Variants in AKAP5 observed in about 807,000 individuals in gnomAD.
AKAP5 encodes A-kinase anchoring protein 5.
A neutral mutation model predicts 13.8 loss-of-function variants in AKAP5; 5 were observed. That is an observed-to-expected ratio of 0.36 (90% CI 0.19 to 0.76). The LOEUF (loss-of-function observed/expected upper bound fraction) is 0.76, where lower values mean the gene tolerates loss of function less well. AKAP5 is among the 30% of genes least tolerant of loss of function. The pLI is 0.51. For missense variants in AKAP5, 406 were observed against 484.4 expected (o/e 0.84, Z 1.52); for synonymous variants, 148 against 167.2 (o/e 0.89, Z 0.89).
Position 64,469,564 on chromosome 14 carries a change from A to C in AKAP5, c.1170A>C (p.Thr390=). 5 of 1,613,772 alleles carry C rather than the reference A, an allele frequency of 3.1e-6. No individual in the cohort carries two copies. Among genetic ancestry groups the C allele is most frequent in the Non-Finnish European group, 4.2e-6 (5 of 1,179,896 alleles). ...FEDRTSEQYE[T]LLIETASSLV... The stretch of plus-strand genomic sequence containing the variant: ...ATAGAACTTCAGAACAATATGAAAC[A>C]CTCTTAATTGAAACAGCCTCTTCTC... Residue 390 remains threonine, a synonymous_variant, in exon 2 of 2, where the codon ACA becomes ACC. Coordinates refer to ENST00000394718, the MANE Select transcript of AKAP5 (RefSeq NM_004857.3).
intron 1 of AKAP5, among the ~76,000 whole-genome samples, chr14:64,466,157 G>A (rs967835965): frequency 9.8e-5 from 15 of 152,298 alleles, no homozygotes; most frequent in African/African-American, 3.6e-4. Context: ...TCTGTGACAT[G>A]AGACTTGCAA....
In AKAP5 at chr14:64,468,621, G is replaced by A. The variant is rs555999227; in HGVS notation, c.227G>A (p.Arg76Gln). The A allele has an allele frequency of 1.4e-5, 22 of 1,613,706 alleles. No homozygotes were observed. The Admixed American group carries it at 1.5e-4, about 11-fold the overall frequency. The stretch of plus-strand genomic sequence containing the variant: ...GCTTCTGATCAGCCAGAGCCCACAC[G>A]GGGGGCCTGGGCCTCACTCAAACGT... Reference protein sequence around the residue: ...AGASDQPEPTRGAWASLKRLV... With the variant: ...AGASDQPEPTQGAWASLKRLV... The change falls in exon 2 of 2, where the codon CGG becomes CAG. Residue 76 changes from arginine to glutamine, a missense_variant. Physicochemically the swap from Arg to Gln is conservative, Grantham distance 43. Coordinates refer to ENST00000394718, the MANE Select transcript of AKAP5 (RefSeq NM_004857.3).
At chr14:64,466,100 T>C (rs1029579611) in intron 1 of AKAP5, among the ~76,000 whole-genome samples, 1 of 152,144 alleles carries the variant, frequency 6.6e-6, no homozygotes, top group Non-Finnish European at 1.5e-5. Flanking sequence ...GATGCATTGC[T>C]TTCCTCGGGT....
chr14:64,468,648 T>C lies in AKAP5; in HGVS notation c.254T>C (p.Leu85Pro). The change falls in exon 2 of 2, where the codon CTT becomes CCT. Residue 85 changes from leucine to proline, a missense_variant. Transcript: ENST00000394718. ...GGGGCCTGGGCCTCACTCAAACGTC[T>C]TGTAACACGCAGGAAAAGGTCAGAG... The part of the protein sequence containing the change: ...TRGAWASLKR[L>P]VTRRKRSESS... The C allele has an allele frequency of 1.9e-6, 3 of 1,613,950 alleles. No homozygotes were observed. The highest frequency in any genetic ancestry group is 2.5e-6 in the Non-Finnish European group (3 of 1,180,034).
rs1233272389 is a variant in AKAP5, at chr14:64,468,263, G to A, written c.-132G>A. On this transcript the variant is annotated 5_prime_UTR_variant, in exon 2 of 2. Transcript: ENST00000394718. ...AAACCACCTAAAACAACTGTATGGAGTAAGATGAAAGGTATGAATATGCCT... is the reference window on the plus strand; with the variant it reads ...AAACCACCTAAAACAACTGTATGGAATAAGATGAAAGGTATGAATATGCCT... 5.1e-6 allele frequency: 4 copies of A among 786,718 alleles called. No homozygotes were observed. Among genetic ancestry groups the A allele is most frequent in the African/African-American group, 1.8e-5 (1 of 56,996 alleles). The allele number at this position is 786,718 out of a possible 1,614,324, so 48.7% of individuals were successfully genotyped here. A position where few individuals can be genotyped will look rare whatever the true frequency, so the allele number is the denominator to read the frequency against.
chr14:64,471,823 T>C lies in AKAP5; in HGVS notation c.*2145T>C, dbSNP rs11848452. ...GATCTGGGTGAATTCTTGCATTGTGTATGGATTGCATATAGAAAGTATTTG... is the reference window on the plus strand; with the variant it reads ...GATCTGGGTGAATTCTTGCATTGTGCATGGATTGCATATAGAAAGTATTTG... On this transcript the variant is annotated 3_prime_UTR_variant, in exon 2 of 2. Transcript: ENST00000394718. 0.024 allele frequency: 4,042 copies of C among 167,136 alleles called. 56 individuals are homozygous for C. Among genetic ancestry groups the C allele is most frequent in the Middle Eastern group, 0.054 (16 of 296 alleles). 10.4% of individuals were successfully genotyped at this position (167,136 alleles called of 1,614,324 possible).
chr14:64,472,868 TAAC>T lies in AKAP5; in HGVS notation c.*3195_*3197del, dbSNP rs899712292. ...AGTTCTGTTTCAATTCATGTCCATT[TAAC>T]AACATTAAAATAATTATTAGGAACA... On this transcript the variant is annotated 3_prime_UTR_variant, in exon 2 of 2. Coordinates refer to ENST00000394718, the MANE Select transcript of AKAP5 (RefSeq NM_004857.3). 1.2e-5 allele frequency: 2 copies of T among 167,106 alleles called. No homozygotes were observed. The highest frequency in any genetic ancestry group is 1.5e-5 in the Non-Finnish European group (1 of 68,090). 10.4% of individuals were successfully genotyped at this position (167,106 alleles called of 1,614,324 possible). A position where few individuals can be genotyped will look rare whatever the true frequency, so the allele number is the denominator to read the frequency against.
rs2078649683 is a variant in AKAP5 at position 64,469,849 on chromosome 14, C to T, written c.*171C>T. 1 of 546,122 alleles carries T rather than the reference C, an allele frequency of 1.8e-6. No homozygotes were observed. The highest frequency in any genetic ancestry group is 3.1e-5 in the South Asian group (1 of 32,664). 33.8% of individuals were successfully genotyped at this position (546,122 alleles called of 1,614,324 possible). On this transcript the variant is annotated 3_prime_UTR_variant, in exon 2 of 2. Coordinates refer to ENST00000394718, the MANE Select transcript of AKAP5 (RefSeq NM_004857.3). ...TTAAGTCAAGTTTATAAAACTCTAC[C>T]ACTGAAATGCAGTCACTTCTGGATT...
chr14:64,468,602 G>A lies in AKAP5; in HGVS notation c.208G>A (p.Asp70Asn). 6.2e-7 allele frequency: 1 copy of A among 1,613,878 alleles called. No individual in the cohort carries two copies. Reference sequence around the variant, plus strand: ...GTGTCCACAAGAAGCAGGAGCTTCTGATCAGCCAGAGCCCACACGGGGGGC... The same window carrying A: ...GTGTCCACAAGAAGCAGGAGCTTCTAATCAGCCAGAGCCCACACGGGGGGC... ...RKCPQEAGAS[D>N]QPEPTRGAWA... The change falls in exon 2 of 2, where the codon GAT (aspartate) becomes AAT (asparagine). Residue 70 changes from aspartate to asparagine, a missense_variant. Transcript: ENST00000394718.
rs2078649261 is a variant in AKAP5 at position 64,469,814 on chromosome 14, G to A, written c.*136G>A. 1 of 651,704 alleles carries A rather than the reference G, an allele frequency of 1.5e-6. No individual in the cohort carries two copies. The highest frequency in any genetic ancestry group is 3.0e-5 in the East Asian group (1 of 33,864). The allele number at this position is 651,704 out of a possible 1,614,324, so 40.4% of individuals were successfully genotyped here. A position where few individuals can be genotyped will look rare whatever the true frequency, so the allele number is the denominator to read the frequency against. On this transcript the variant is annotated 3_prime_UTR_variant, in exon 2 of 2. Transcript: ENST00000394718. ...TAAAAGGTACAATTCCAGCGCAGAA[G>A]TGCTAAAGATTAAGTCAAGTTTATA...
In AKAP5 at chr14:64,469,664, A is replaced by G. The variant is rs1341881744; in HGVS notation, c.1270A>G (p.Asn424Asp). 1.3e-6 allele frequency: 2 copies of G among 1,583,452 alleles called. No homozygotes were observed. Among genetic ancestry groups the G allele is most frequent in the Admixed American group, 3.8e-5 (2 of 52,208 alleles). The change falls in exon 2 of 2, where the codon AAT (asparagine) becomes GAT (aspartate). Residue 424 changes from asparagine to aspartate, a missense_variant. By Grantham distance (23) the Asn-to-Asp change is conservative. Transcript: ENST00000394718. ...GGCCTCTGATGATAATAAAATAAAC[A>G]ATCTTCTACAGTGACTTACTCTCCA... ...EMASDDNKIN[N>D]LLQ
intron 1 of AKAP5, among the ~76,000 whole-genome samples, chr14:64,466,805 G>A: frequency 6.6e-6 from 1 of 151,994 alleles, no homozygotes; most frequent in Non-Finnish European, 1.5e-5. Flanking sequence ...CTTATTTTAG[G>A]GCATCCACCC....
chr14:64,468,470 G>A lies in AKAP5; in HGVS notation c.76G>A (p.Glu26Lys). 1.2e-6 allele frequency: 2 copies of A among 1,614,084 alleles called. No individual in the cohort carries two copies. Among genetic ancestry groups the A allele is most frequent in the Non-Finnish European group, 1.7e-6 (2 of 1,180,028 alleles). ...ATCAGCAGAAGGTAGTCCTGGGGCTGAAAGGCAGAAGGAAAAGGCATCCAT... is the reference window on the plus strand; with the variant it reads ...ATCAGCAGAAGGTAGTCCTGGGGCTAAAAGGCAGAAGGAAAAGGCATCCAT... Reference protein sequence around the residue: ...KRSAEGSPGAERQKEKASMLC... With the variant: ...KRSAEGSPGAKRQKEKASMLC... Residue 26 changes from glutamate to lysine, a missense_variant, in exon 2 of 2, where the codon GAA becomes AAA. Physicochemically the swap from Glu to Lys is moderately conservative, Grantham distance 56. Coordinates refer to ENST00000394718, the MANE Select transcript of AKAP5 (RefSeq NM_004857.3).
Position 64,469,426 on chromosome 14 carries a change from C to T in AKAP5, c.1032C>T (p.Asp344=), listed in dbSNP as rs1457602802. ...AGCCAATTGCTATTATTATTACAGA[C>T]ACTGAAATCAGTGAATTTGATGTTA... ...RMEPIAIIIT[D]TEISEFDVTK... is the part of the protein sequence containing the mutation. Residue 344 remains aspartate, a synonymous_variant, in exon 2 of 2, where the codon GAC becomes GAT. Coordinates refer to ENST00000394718, the MANE Select transcript of AKAP5 (RefSeq NM_004857.3). 3.7e-6 allele frequency: 6 copies of T among 1,613,218 alleles called. No homozygotes were observed. Among genetic ancestry groups the T allele is most frequent in the African/African-American group, 1.3e-5 (1 of 74,846 alleles).
At chr14:64,466,358 C>G (rs1468134551) in intron 1 of AKAP5, among the ~76,000 whole-genome samples, 1 of 152,208 alleles carries the variant, frequency 6.6e-6, no homozygotes, top group East Asian at 1.9e-4. Context: ...GAGATACATT[C>G]AAGTGAGCTT....
rs756517108 is a variant in AKAP5, at chr14:64,468,828, T to G, written c.434T>G (p.Ile145Arg). The G allele has an allele frequency of 1.2e-6, 2 of 1,614,188 alleles. No homozygotes were observed. Among genetic ancestry groups the G allele is most frequent in the Admixed American group, 3.3e-5 (2 of 60,032 alleles). The change falls in exon 2 of 2, where the codon ATA (isoleucine) becomes AGA (arginine). Residue 145 changes from isoleucine (I) to arginine (R), a missense_variant. Ile to Arg is a moderately conservative substitution (Grantham distance 97, BLOSUM62 -3). Coordinates refer to ENST00000394718, the MANE Select transcript of AKAP5 (RefSeq NM_004857.3). ...GPKRSNHSKI[I>R]EDSDCSIKVQ... Reference sequence around the variant, plus strand: ...AAAAGGAGTAATCATTCCAAAATTATAGAAGACTCAGACTGCAGCATCAAA... The same window carrying G: ...AAAAGGAGTAATCATTCCAAAATTAGAGAAGACTCAGACTGCAGCATCAAA...
In AKAP5 at chr14:64,469,025, T is replaced by C. The variant is rs1160531941; in HGVS notation, c.631T>C (p.Ser211Pro). 1 of 1,614,212 alleles carries C rather than the reference T, an allele frequency of 6.2e-7. No homozygotes were observed. Among genetic ancestry groups the C allele is most frequent in the Non-Finnish European group, 8.5e-7 (1 of 1,180,038 alleles). ...NSTTSGEKVI[S>P]VELGLDNGHS... ...CACAACTTCTGGAGAGAAAGTGATT[T>C]CAGTAGAACTTGGATTAGATAATGG... Residue 211 changes from serine to proline, a missense_variant, in exon 2 of 2, where the codon TCA becomes CCA. Coordinates refer to ENST00000394718, the MANE Select transcript of AKAP5 (RefSeq NM_004857.3).
chr14:64,470,565 G>A lies in AKAP5; in HGVS notation c.*887G>A, dbSNP rs1212460991. 2 of 161,182 alleles carry A rather than the reference G, an allele frequency of 1.2e-5. No individual in the cohort carries two copies. The highest frequency in any genetic ancestry group is 3.0e-5 in the Non-Finnish European group (2 of 67,696). 10.0% of individuals were successfully genotyped at this position (161,182 alleles called of 1,614,324 possible). A position where few individuals can be genotyped will look rare whatever the true frequency, so the allele number is the denominator to read the frequency against. On this transcript the variant is annotated 3_prime_UTR_variant, in exon 2 of 2. Coordinates refer to ENST00000394718, the MANE Select transcript of AKAP5 (RefSeq NM_004857.3). ...AGATTGCACCACTGCACTCCAGTCT[G>A]GGCAACAGAGCGAGACTCCTTCTCA...
Position 64,469,627 on chromosome 14 carries a change from G to A in AKAP5, c.1233G>A (p.Leu411=). The change falls in exon 2 of 2, where the codon CTG becomes CTA. Residue 411 remains leucine (L), a synonymous_variant. Transcript: ENST00000394718. ...CTATTCAGTTGTCAATAGAACAGCT[G>A]GTTAATGAAATGGCCTCTGATGATA... is the stretch of plus-strand genomic sequence containing the variant. ...KNAIQLSIEQ[L]VNEMASDDNK... is the part of the protein sequence containing the mutation. 6.2e-7 allele frequency: 1 copy of A among 1,606,768 alleles called. No individual in the cohort carries two copies.
Sources: gnomAD v4.1 joint callset for allele counts (sites outside exome capture counted in the v4.1 genomes callset) on GRCh38, gnomAD v4.1.1 for gene constraint, MANE v1.5 for transcripts, NCBI Gene and HGNC (gene_info 2026-07-23, HGNC 2026-07-21) for gene names.